GLIS3: variants seen among roughly 807,000 people sequenced by gnomAD.
The protein encoded by GLIS3 is GLIS family zinc finger 3.
GLIS3 carries 53 observed loss-of-function variants against 78.6 expected under a neutral mutation model. The observed-to-expected ratio is 0.67, with a 90% CI of 0.54 to 0.85. The LOEUF is 0.85. Ranked by LOEUF, GLIS3 falls within the 40% of genes least tolerant of loss-of-function variation. GLIS3 has a pLI of 0.00. For synonymous variants in GLIS3, 684 were observed against 509.9 expected (o/e 1.34, Z -4.60); for missense variants, 1,703 against 1,231.1 (o/e 1.38, Z -5.74).
chr9:4,251,782 T>C (rs1409437043), intron 2 of GLIS3, among the ~76,000 whole-genome samples: 1 of 152,232 alleles, frequency 6.6e-6, no homozygotes, highest in Non-Finnish European at 1.5e-5. Context: ...CTTCAGGAGC[T>C]TTTGTAAGGC....
At chr9:4,175,603 G>A (rs1163930875) in intron 2 of GLIS3, among the ~76,000 whole-genome samples, 2 of 152,188 alleles carry the variant, frequency 1.3e-5, no homozygotes, top group Non-Finnish European at 2.9e-5. Context: ...TCCTGGCAAT[G>A]CTGGAATGAT....
chr9:4,337,453 T>C (rs570279298), intron 2 of GLIS3, among the ~76,000 whole-genome samples: 4 of 152,312 alleles, frequency 2.6e-5, no homozygotes, highest in African/African-American at 9.6e-5. Flanking sequence ...ACGGACAGTA[T>C]TTTCATACTT....
the GLIS3 span, among the ~76,000 whole-genome samples, chr9:4,353,443 A>G: frequency 2.6e-5 from 4 of 152,206 alleles, no homozygotes; most frequent in East Asian, 1.9e-4. Flanking sequence ...ATTGAGCCTC[A>G]GGATTCCAAA....
intron 3 of GLIS3, chr9:4,123,931 A>C (rs1259437808): frequency 2.5e-6 from 1 of 394,072 alleles, no homozygotes; most frequent in Non-Finnish European, 4.5e-6. Flanking sequence ...TGGACAGTTC[A>C]TGCCCCCTTT....
chr9:4,112,806 A>G (rs1288197588), intron 4 of GLIS3, among the ~76,000 whole-genome samples: 1 of 152,186 alleles, frequency 6.6e-6, no homozygotes, highest in Non-Finnish European at 1.5e-5. Flanking sequence ...AGTAAAGTAT[A>G]CCAAATACTA....
intron 4 of GLIS3, among the ~76,000 whole-genome samples, chr9:4,065,733 T>A (rs1216915543): frequency 6.6e-6 from 1 of 152,104 alleles, no homozygotes; most frequent in Non-Finnish European, 1.5e-5. Flanking sequence ...AGTGAAGAGG[T>A]CTAAGATGCT....
chr9:3,886,475 A>C (rs1255536450), intron 7 of GLIS3, among the ~76,000 whole-genome samples: 1 of 152,238 alleles, frequency 6.6e-6, no homozygotes, highest in African/African-American at 2.4e-5. Flanking sequence ...CTGTTACTAA[A>C]ATGTCAACAC....
At chr9:4,285,885 C>T (rs1827943635) in intron 2 of GLIS3, 153 bp downstream of exon 2, 1 of 916,404 alleles carries the variant, frequency 1.1e-6, no homozygotes. Flanking sequence ...ACACCCATTC[C>T]CTTACTGAGC....
chr9:4,244,390 A>C (rs1823603029), intron 2 of GLIS3, among the ~76,000 whole-genome samples: 1 of 152,234 alleles, frequency 6.6e-6, no homozygotes, highest in Non-Finnish European at 1.5e-5. Flanking sequence ...AGACATGCTT[A>C]TGACAGGCGT....
At chr9:4,459,438 C>T in the GLIS3 span, among the ~76,000 whole-genome samples, 14 of 152,212 alleles carry the variant, frequency 9.2e-5, no homozygotes, top group African/African-American at 2.9e-4. Context: ...CGAGGGAAAA[C>T]GAGAGTGGTA....
At chr9:4,001,859 A>G (rs534926225) in intron 4 of GLIS3, among the ~76,000 whole-genome samples, 35 of 152,300 alleles carry the variant, frequency 2.3e-4, no homozygotes, top group African/African-American at 7.5e-4. Context: ...ACTGGTCTCT[A>G]TCCTTTGGTG....
Position 4,117,858 on chromosome 9 carries a change from A to G in GLIS3, c.1620T>C (p.Gly540=). The part of the protein sequence containing the change: ...KGEDFTCFWA[G]CPRRYKPFNA... ...TGAAGGGCTTGTATCTTCGAGGGCA[A>G]CCGGCCCAGAAGCAAGTGAAGTCCT... Residue 540 remains glycine (G), a synonymous_variant, in exon 4 of 11, where the codon GGT becomes GGC. Transcript: ENST00000381971. 2.5e-6 allele frequency: 4 copies of G among 1,614,094 alleles called. No homozygotes were observed. The highest frequency in any genetic ancestry group is 3.4e-6 in the Non-Finnish European group (4 of 1,180,014).
the GLIS3 span, among the ~76,000 whole-genome samples, chr9:4,401,725 G>A: frequency 1.3e-5 from 2 of 151,932 alleles, no homozygotes; most frequent in African/African-American, 4.8e-5. Flanking sequence ...CCAAGTAGCT[G>A]GGACTACAGG....
At chr9:4,076,521 CTGTAAAT>C (rs1828069074) in intron 4 of GLIS3, among the ~76,000 whole-genome samples, 1 of 152,040 alleles carries the variant, frequency 6.6e-6, no homozygotes, top group African/African-American at 2.4e-5. Flanking sequence ...TTCTAATGAA[CTGTAAAT>C]TGTAAACTAT....
At chr9:4,312,928 A>C (rs1273892800) in intron 2 of GLIS3, among the ~76,000 whole-genome samples, 6 of 152,246 alleles carry the variant, frequency 3.9e-5, no homozygotes, top group African/African-American at 1.4e-4. Context: ...GAGGTTGGTA[A>C]CGTTAGCCCC....
chr9:4,380,695 A>C, the GLIS3 span, among the ~76,000 whole-genome samples: 1 of 152,230 alleles, frequency 6.6e-6, no homozygotes, highest in Non-Finnish European at 1.5e-5. Flanking sequence ...ACTTTGAGAA[A>C]CACTGGTCAT....
chr9:3,992,667 A>G (rs1014173151), intron 4 of GLIS3, among the ~76,000 whole-genome samples: 25 of 152,208 alleles, frequency 1.6e-4, no homozygotes, highest in African/African-American at 6.0e-4. Flanking sequence ...ACTTTTGACA[A>G]TTTTTTAAAA....
the GLIS3 span, among the ~76,000 whole-genome samples, chr9:4,463,370 ACT>A: frequency 6.6e-6 from 1 of 151,560 alleles, no homozygotes; most frequent in African/African-American, 2.4e-5. Context: ...TTTATTTGGG[ACT>A]CTCTCACCTT....
chr9:4,148,709 A>G (rs937370905), intron 2 of GLIS3, among the ~76,000 whole-genome samples: 1 of 152,094 alleles, frequency 6.6e-6, no homozygotes, highest in African/African-American at 2.4e-5. Context: ...TTAGTAAAGA[A>G]CTTCTTTGCA....
Sources: allele counts gnomAD v4.1 joint callset (sites outside exome capture counted in the v4.1 genomes callset), GRCh38; gene constraint gnomAD v4.1.1; transcripts MANE v1.5; gene names NCBI Gene and HGNC (gene_info 2026-07-23, HGNC 2026-07-21).